CPNE8: variants seen among roughly 807,000 people sequenced by gnomAD.
CPNE8 encodes the protein copine 8.
A neutral mutation model predicts 81.5 loss-of-function variants in CPNE8; 45 were observed. That is an observed-to-expected ratio of 0.55 (90% CI 0.44 to 0.71). The LOEUF (loss-of-function observed/expected upper bound fraction) is 0.71, where lower values mean the gene tolerates loss of function less well. CPNE8 is among the 30% of genes least tolerant of loss of function. CPNE8 has a pLI of 0.00. For synonymous variants in CPNE8, 252 were observed against 226.3 expected, an observed-to-expected ratio of 1.11 and a Z score of -1.02; for missense variants, 594 against 672.1, an observed-to-expected ratio of 0.88 and a Z score of 1.28.
rs59710225 is a variant in CPNE8 at position 38,653,617 on chromosome 12, T to TA, written c.*264dup. ...TACATTGGAAATTAGCTGTTTCTGTTAAAAAAAAAAAGAAAGAAAGATTTA... is the reference window on the plus strand; with the variant it reads ...TACATTGGAAATTAGCTGTTTCTGTTAAAAAAAAAAAAGAAAGAAAGATTTA... On this transcript the variant is annotated 3_prime_UTR_variant, in exon 20 of 20. Transcript: ENST00000331366. The TA allele has an allele frequency of 0.033, 4,901 of 148,402 alleles. 182 individuals carry two copies. The highest frequency in any genetic ancestry group is 0.1 in the African/African-American group (3,844 of 38,344). The allele number at this position is 148,402 out of a possible 1,614,324, so 9.2% of individuals were successfully genotyped here. A position where few individuals can be genotyped will look rare whatever the true frequency, so the allele number is the denominator to read the frequency against.
At chr12:38,664,115 A>G (rs1176579038) in intron 19 of CPNE8, among the ~76,000 whole-genome samples, 1 of 152,140 alleles carries the variant, frequency 6.6e-6, no homozygotes, top group Non-Finnish European at 1.5e-5. Flanking sequence ...TTGAATAGCT[A>G]GAAGACAGAA....
intron 1 of CPNE8, among the ~76,000 whole-genome samples, chr12:38,902,315 G>GGAAGGAAAGAAAGAAAGAAAGAAAGAAA: frequency 1.2e-5 from 1 of 83,820 alleles, no homozygotes; most frequent in Admixed American, 1.3e-4. Context: ...AAGGAAGGAA[G>GGAAGGAAAGAAAGAAAGAAAGAAAGAAA]GAAAGAAAGA....
intron 6 of CPNE8, among the ~76,000 whole-genome samples, chr12:38,785,006 C>A (rs1290067728): frequency 1.3e-5 from 2 of 151,994 alleles, no homozygotes; most frequent in Admixed American, 6.6e-5. Context: ...ACCAGCCTGG[C>A]CAACATGGTG....
chr12:38,797,003 C>T (rs555104110), intron 6 of CPNE8, among the ~76,000 whole-genome samples: 172 of 152,190 alleles, frequency 1.1e-3, no homozygotes, highest in African/African-American at 2.7e-3. Context: ...GACGGGTGCC[C>T]GCCATTGCCC....
At chr12:38,767,207 C>A (rs1384235811) in intron 8 of CPNE8, among the ~76,000 whole-genome samples, 10 of 151,828 alleles carry the variant, frequency 6.6e-5, no homozygotes, top group Non-Finnish European at 4.4e-5. Flanking sequence ...ATTCAAATTA[C>A]TAGAATATAA....
chr12:38,702,610 T>A (rs545476812), intron 14 of CPNE8, among the ~76,000 whole-genome samples: 31 of 152,186 alleles, frequency 2.0e-4, no homozygotes, highest in Non-Finnish European at 3.2e-4. Flanking sequence ...ATTTGTATTA[T>A]TTTAAACACA....
intron 6 of CPNE8, among the ~76,000 whole-genome samples, chr12:38,802,948 C>G (rs1167795074): frequency 6.8e-6 from 1 of 148,026 alleles, no homozygotes; most frequent in African/African-American, 2.5e-5. Flanking sequence ...TCTCCCAAGA[C>G]TAAACCAGGA....
intron 6 of CPNE8, among the ~76,000 whole-genome samples, chr12:38,808,336 C>A (rs910352503): frequency 3.9e-5 from 6 of 151,954 alleles, no homozygotes; most frequent in Admixed American, 3.9e-4. Flanking sequence ...TTCACAATAG[C>A]AAAGACTTGG....
chr12:38,739,186 T>C (rs1031241367), intron 10 of CPNE8, among the ~76,000 whole-genome samples: 1 of 152,214 alleles, frequency 6.6e-6, no homozygotes, highest in African/African-American at 2.4e-5. Flanking sequence ...TAATGTCTTA[T>C]ATGGTTTTTG....
upstream of CPNE8, chr12:38,906,789 A>T (rs1944578658): frequency 5.9e-6 from 1 of 170,688 alleles, no homozygotes; most frequent in Non-Finnish European, 1.2e-5. Context: ...GCTCGCCACC[A>T]GGCGGCGACG....
At chr12:38,820,406 GA>G (rs879374275) in intron 6 of CPNE8, among the ~76,000 whole-genome samples, 6 of 142,478 alleles carry the variant, frequency 4.2e-5, no homozygotes, top group South Asian at 2.2e-4. Flanking sequence ...CTTCATCTCA[GA>G]AAAAAAAAAG....
At chr12:38,712,206 T>A (rs902041808) in intron 13 of CPNE8, among the ~76,000 whole-genome samples, 2 of 105,322 alleles carry the variant, frequency 1.9e-5, no homozygotes, top group Non-Finnish European at 3.6e-5. Flanking sequence ...AATGATGCCA[T>A]TTTTTTTTTT....
intron 19 of CPNE8, among the ~76,000 whole-genome samples, chr12:38,654,593 C>T (rs1938777711): frequency 6.6e-6 from 1 of 151,130 alleles, no homozygotes. Context: ...TGCTTTATCT[C>T]AAAAGGAATG....
At chr12:38,751,030 G>T (rs1344583841) in intron 10 of CPNE8, among the ~76,000 whole-genome samples, 2 of 152,146 alleles carry the variant, frequency 1.3e-5, no homozygotes, top group African/African-American at 4.8e-5. Flanking sequence ...AGTCTTATGA[G>T]ATCTGATGGT....
chr12:38,756,084 A>G (rs1035090508), intron 10 of CPNE8, among the ~76,000 whole-genome samples: 2 of 149,832 alleles, frequency 1.3e-5, no homozygotes, highest in African/African-American at 4.9e-5. Context: ...CTTCTATTCT[A>G]CATTAGCTCA....
intron 1 of CPNE8, among the ~76,000 whole-genome samples, chr12:38,892,273 T>C (rs937791141): frequency 5.3e-5 from 8 of 152,214 alleles, no homozygotes; most frequent in African/African-American, 1.9e-4. Flanking sequence ...GATGAGTAAG[T>C]ACTCTGAACA....
At chr12:38,679,312 T>C (rs1195637744) in intron 16 of CPNE8, among the ~76,000 whole-genome samples, 3 of 151,918 alleles carry the variant, frequency 2.0e-5, no homozygotes, top group Admixed American at 1.3e-4. Flanking sequence ...TACCAGAATG[T>C]ATACCTAAGA....
intron 4 of CPNE8, among the ~76,000 whole-genome samples, chr12:38,845,580 T>C (rs1380978802): frequency 2.0e-5 from 3 of 150,928 alleles, no homozygotes; most frequent in Non-Finnish European, 1.5e-5. Context: ...GCTAAGAATT[T>C]TAAAAACCAA....
chr12:38,809,156 T>C (rs901964701), intron 6 of CPNE8, among the ~76,000 whole-genome samples: 9 of 152,200 alleles, frequency 5.9e-5, no homozygotes. Flanking sequence ...AATAATGCTA[T>C]CTCACAGTTA....
Sources: allele counts gnomAD v4.1 joint callset (sites outside exome capture counted in the v4.1 genomes callset), GRCh38; gene constraint gnomAD v4.1.1; transcripts MANE v1.5; gene names NCBI Gene and HGNC (gene_info 2026-07-23, HGNC 2026-07-21).